SMAP1: variants seen among roughly 807,000 people sequenced by gnomAD.
SMAP1 encodes the protein stromal membrane-associated protein 1.
SMAP1 carries 24 observed loss-of-function variants against 58.5 expected under a neutral mutation model. The observed-to-expected ratio is 0.41, with a 90% confidence interval of 0.30 to 0.58. SMAP1 has a LOEUF of 0.58. Ranked by LOEUF, SMAP1 falls within the 20% of genes least tolerant of loss-of-function variation. The pLI, the probability that SMAP1 is intolerant of heterozygous loss-of-function variation, is 0.29. For missense variants in SMAP1, 563 were observed against 566.3 expected, an observed-to-expected ratio of 0.99 and a Z score of 0.06; for synonymous variants, 216 against 196.6, an observed-to-expected ratio of 1.10 and a Z score of -0.82.
chr6:70,785,486 C>T (rs960836306), intron 4 of SMAP1, among the ~76,000 whole-genome samples: 4 of 152,144 alleles, frequency 2.6e-5, no homozygotes, highest in African/African-American at 9.7e-5. Flanking sequence ...ACACAAAAAA[C>T]CCTTCAAAAA....
At chr6:70,668,318 G>T (rs1766118792) in intron 1 of SMAP1, among the ~76,000 whole-genome samples, 177 bp downstream of exon 1, 1 of 151,982 alleles carries the variant, frequency 6.6e-6, no homozygotes, top group African/African-American at 2.4e-5. Flanking sequence ...CCTCAAGTCC[G>T]CCAGAGGCGG....
intron 1 of SMAP1, among the ~76,000 whole-genome samples, chr6:70,709,501 A>G (rs974209091): frequency 6.6e-6 from 1 of 151,900 alleles, no homozygotes; most frequent in East Asian, 1.9e-4. Context: ...TAATTTTTAA[A>G]TTTTTTGTAG....
At chr6:70,778,082 AT>A (rs1359194070) in intron 4 of SMAP1, among the ~76,000 whole-genome samples, 1 of 152,020 alleles carries the variant, frequency 6.6e-6, no homozygotes, top group Non-Finnish European at 1.5e-5. Flanking sequence ...ATAATTTTTA[AT>A]TTTTGTGGGT....
chr6:70,756,887 G>T (rs895705007), intron 3 of SMAP1, among the ~76,000 whole-genome samples: 2 of 151,982 alleles, frequency 1.3e-5, no homozygotes, highest in Non-Finnish European at 2.9e-5. Flanking sequence ...ACAAATGGAA[G>T]AACATTCCAT....
At chr6:70,726,397 CTG>C (rs1768786859) in intron 1 of SMAP1, among the ~76,000 whole-genome samples, 1 of 152,146 alleles carries the variant, frequency 6.6e-6, no homozygotes, top group African/African-American at 2.4e-5. Flanking sequence ...AAAGAGATCA[CTG>C]TTTCTCAGAA....
chr6:70,721,431 T>C, intron 1 of SMAP1, among the ~76,000 whole-genome samples: 1 of 152,208 alleles, frequency 6.6e-6, no homozygotes. Flanking sequence ...CTGGACCTTA[T>C]TGTCTATATC....
chr6:70,671,427 G>A (rs1016331371), intron 1 of SMAP1, among the ~76,000 whole-genome samples: 20 of 152,094 alleles, frequency 1.3e-4, no homozygotes, highest in Non-Finnish European at 2.8e-4. Flanking sequence ...AAAACCATTA[G>A]CCAGGCATGG....
chr6:70,723,614 A>G (rs143679111), intron 1 of SMAP1, among the ~76,000 whole-genome samples: 165 of 152,084 alleles, frequency 1.1e-3, no homozygotes, highest in African/African-American at 3.0e-3. Flanking sequence ...TTACTTTCAC[A>G]TGTTTGCTTA....
chr6:70,780,641 G>C (rs765532731), intron 4 of SMAP1, among the ~76,000 whole-genome samples: 7 of 152,198 alleles, frequency 4.6e-5, no homozygotes, highest in Non-Finnish European at 1.0e-4. Flanking sequence ...CTTACCAGTA[G>C]TGAATCACAA....
intron 1 of SMAP1, among the ~76,000 whole-genome samples, chr6:70,719,576 C>T (rs961165574): frequency 1.3e-5 from 2 of 152,114 alleles, no homozygotes; most frequent in Non-Finnish European, 2.9e-5. Context: ...CAGCGTTTGT[C>T]TCCTGTATCA....
intron 3 of SMAP1, among the ~76,000 whole-genome samples, chr6:70,772,402 G>A (rs1361022413): frequency 6.6e-6 from 1 of 152,166 alleles, no homozygotes; most frequent in Non-Finnish European, 1.5e-5. Context: ...TAACTTGGGG[G>A]ATCCACAGAG....
chr6:70,809,514 C>A (rs1769295810), intron 6 of SMAP1, among the ~76,000 whole-genome samples: 1 of 152,118 alleles, frequency 6.6e-6, no homozygotes, highest in Non-Finnish European at 1.5e-5. Flanking sequence ...ATAAATTATT[C>A]TTAGTAAATC....
intron 6 of SMAP1, among the ~76,000 whole-genome samples, chr6:70,802,112 G>A (rs1195886467): frequency 6.6e-6 from 1 of 152,142 alleles, no homozygotes; most frequent in Admixed American, 6.5e-5. Flanking sequence ...GGGCAGTATG[G>A]CCATTTTCAC....
At chr6:70,702,389 TG>T (rs201418705) in intron 1 of SMAP1, among the ~76,000 whole-genome samples, 19 of 121,824 alleles carry the variant, frequency 1.6e-4, no homozygotes, top group African/African-American at 5.3e-4. Flanking sequence ...GCTTTTTTTT[TG>T]GGGAGGGGGT....
At chr6:70,838,434 C>A (rs1047976352) in intron 7 of SMAP1, among the ~76,000 whole-genome samples, 1 of 152,040 alleles carries the variant, frequency 6.6e-6, no homozygotes. Context: ...AGTGAATAAA[C>A]AATTAAATAA....
intron 9 of SMAP1, 126 bp downstream of exon 9, chr6:70,857,156 T>C: frequency 1.0e-6 from 1 of 954,252 alleles, no homozygotes; most frequent in South Asian, 3.2e-5. Context: ...TTGCAGTTTA[T>C]ACAACTATGA....
chr6:70,753,231 A>G (rs1459900482), intron 2 of SMAP1, among the ~76,000 whole-genome samples: 1 of 152,174 alleles, frequency 6.6e-6, no homozygotes, highest in East Asian at 1.9e-4. Flanking sequence ...CAAAGACGTT[A>G]AAATATGAAA....
At chr6:70,802,972 T>C (rs1376774779) in intron 6 of SMAP1, among the ~76,000 whole-genome samples, 2 of 152,220 alleles carry the variant, frequency 1.3e-5, no homozygotes, top group Non-Finnish European at 2.9e-5. Context: ...ATTCTCTTTT[T>C]TTGTTGTGTC....
At chr6:70,816,585 G>T (rs1025305666) in intron 6 of SMAP1, among the ~76,000 whole-genome samples, 1 of 152,148 alleles carries the variant, frequency 6.6e-6, no homozygotes, top group African/African-American at 2.4e-5. Flanking sequence ...TGCTTTATCA[G>T]ATTCATTTAT....
Sources: allele counts gnomAD v4.1 joint callset (sites outside exome capture counted in the v4.1 genomes callset), GRCh38; gene constraint gnomAD v4.1.1; transcripts MANE v1.5; gene names NCBI Gene and HGNC (gene_info 2026-07-23, HGNC 2026-07-21).